SMYD3: variants seen among roughly 807,000 people sequenced by gnomAD.
SMYD3 encodes SET and MYND domain containing 3, also known as histone-lysine N-methyltransferase SMYD3.
Under a neutral mutation model 57.7 loss-of-function variants are expected in SMYD3, and 36 were observed. That is an observed-to-expected ratio of 0.62 (90% CI 0.48 to 0.82). The LOEUF is 0.82. SMYD3 is among the 40% of genes least tolerant of loss of function. The pLI is 0.00. For missense variants in SMYD3, 515 were observed against 538.8 expected, an observed-to-expected ratio of 0.96 and a Z score of 0.44; for synonymous variants, 211 against 195.0, an observed-to-expected ratio of 1.08 and a Z score of -0.68.
At chr1:246,307,788 T>C (rs577057215) in intron 5 of SMYD3, among the ~76,000 whole-genome samples, 16 of 152,240 alleles carry the variant, frequency 1.1e-4, no homozygotes, top group Non-Finnish European at 4.4e-5. Flanking sequence ...TGAGGCTCAC[T>C]AGAACAGCCC....
At chr1:245,926,537 T>C (rs2056386546) in intron 7 of SMYD3, among the ~76,000 whole-genome samples, 1 of 152,126 alleles carries the variant, frequency 6.6e-6, no homozygotes, top group Non-Finnish European at 1.5e-5. Flanking sequence ...GATTTGCTTG[T>C]TGCTCCAGAG....
chr1:246,049,356 G>T (rs1408841869), intron 5 of SMYD3, among the ~76,000 whole-genome samples: 1 of 152,108 alleles, frequency 6.6e-6, no homozygotes, highest in African/African-American at 2.4e-5. Flanking sequence ...GAGTGCAGGG[G>T]TGCAACCTCA....
intron 1 of SMYD3, among the ~76,000 whole-genome samples, chr1:246,502,993 C>T (rs1029858257): frequency 6.6e-6 from 1 of 152,126 alleles, no homozygotes; most frequent in African/African-American, 2.4e-5. Context: ...GTGCTATAGG[C>T]CCGTGTTGGC....
intron 5 of SMYD3, among the ~76,000 whole-genome samples, chr1:245,943,051 A>C (rs2057306379): frequency 6.6e-6 from 1 of 151,986 alleles, no homozygotes; most frequent in Non-Finnish European, 1.5e-5. Flanking sequence ...TCAAATCGAC[A>C]TCCTAACATC....
At chr1:246,454,514 G>T (rs1403229099) in intron 1 of SMYD3, among the ~76,000 whole-genome samples, 1 of 152,180 alleles carries the variant, frequency 6.6e-6, no homozygotes, top group Non-Finnish European at 1.5e-5. Context: ...AATCAGAATA[G>T]AATTTTATTT....
At chr1:246,420,569 G>A in intron 1 of SMYD3, among the ~76,000 whole-genome samples, 1 of 152,184 alleles carries the variant, frequency 6.6e-6, no homozygotes, top group African/African-American at 2.4e-5. Context: ...ACCTTATCTA[G>A]AGAAAGTTTA....
At chr1:246,084,911 AT>A (rs1360024782) in intron 5 of SMYD3, among the ~76,000 whole-genome samples, 1 of 152,218 alleles carries the variant, frequency 6.6e-6, no homozygotes, top group African/African-American at 2.4e-5. Context: ...TGACTACCAT[AT>A]TCTTTAGAGC....
intron 5 of SMYD3, among the ~76,000 whole-genome samples, chr1:246,122,455 C>T (rs1051128722): frequency 6.6e-6 from 1 of 152,090 alleles, no homozygotes; most frequent in Non-Finnish European, 1.5e-5. Context: ...AAGGTGTATT[C>T]GTATATGACA....
At chr1:246,021,457 G>A (rs570510689) in intron 5 of SMYD3, among the ~76,000 whole-genome samples, 2 of 152,154 alleles carry the variant, frequency 1.3e-5, no homozygotes, top group Non-Finnish European at 2.9e-5. Flanking sequence ...AATGGGAGGT[G>A]AGGAAGTGGC....
intron 1 of SMYD3, among the ~76,000 whole-genome samples, chr1:246,485,610 C>CA (rs375247324): frequency 1.4e-3 from 216 of 151,632 alleles, no homozygotes; most frequent in African/African-American, 5.1e-3. Flanking sequence ...AGTGAGACCC[C>CA]CCCCCACATC....
chr1:246,379,818 G>A (rs1013269682), intron 1 of SMYD3, among the ~76,000 whole-genome samples: 4 of 152,040 alleles, frequency 2.6e-5, no homozygotes, highest in Non-Finnish European at 4.4e-5. Flanking sequence ...TGGACAACAC[G>A]GTGAAACCTC....
At chr1:246,425,827 C>T (rs1371957447) in intron 1 of SMYD3, among the ~76,000 whole-genome samples, 2 of 152,154 alleles carry the variant, frequency 1.3e-5, no homozygotes, top group Non-Finnish European at 2.9e-5. Flanking sequence ...GATGCCATTT[C>T]GTCCAAGAAC....
chr1:246,201,600 A>G (rs1490378560), intron 5 of SMYD3, among the ~76,000 whole-genome samples: 1 of 152,240 alleles, frequency 6.6e-6, no homozygotes, highest in South Asian at 2.1e-4. Context: ...AAACCCAGAA[A>G]TGAAGTGTTT....
rs79572627 is a variant in SMYD3, at chr1:246,030,178, T to C, written c.532-100241A>G. Among the ~76,000 whole-genome samples the C allele has an allele frequency of 1.7e-3, 265 of 152,112 alleles. 2 individuals are homozygous for C. Among genetic ancestry groups the C allele is most frequent in the African/African-American group, 6.0e-3 (247 of 41,512 alleles). ...AGTAACACCACTCTACTTTCACGCA[T>C]GAAGCATTAATGGATAAAGAAAACA... On this transcript the variant is annotated intron_variant, in intron 5 of 11. Coordinates refer to ENST00000490107, the MANE Select transcript of SMYD3 (RefSeq NM_001167740.2).
intron 10 of SMYD3, among the ~76,000 whole-genome samples, chr1:245,791,484 C>T (rs527564344): frequency 1.4e-4 from 21 of 152,258 alleles, no homozygotes; most frequent in Middle Eastern, 3.4e-3. Flanking sequence ...TCAAGGTTTA[C>T]GTGCTCACTG....
chr1:246,313,261 G>A (rs2148636701), intron 5 of SMYD3, among the ~76,000 whole-genome samples: 1 of 152,264 alleles, frequency 6.6e-6, no homozygotes, highest in Admixed American at 6.5e-5. Context: ...AAAACCCACA[G>A]TATAGTCACT....
intron 10 of SMYD3, among the ~76,000 whole-genome samples, chr1:245,844,600 G>A (rs933355076): frequency 2.9e-5 from 2 of 68,328 alleles, no homozygotes; most frequent in African/African-American, 1.3e-4. Flanking sequence ...CTACTTCCTT[G>A]GTTTCTTTTT....
At chr1:245,880,526 T>C (rs1297217904) in intron 8 of SMYD3, among the ~76,000 whole-genome samples, 1 of 152,142 alleles carries the variant, frequency 6.6e-6, no homozygotes, top group Non-Finnish European at 1.5e-5. Flanking sequence ...TTACTGAGGG[T>C]TTATTGTGCT....
intron 5 of SMYD3, among the ~76,000 whole-genome samples, chr1:246,324,416 CAA>C (rs897518368): frequency 3.3e-4 from 14 of 42,592 alleles, no homozygotes; most frequent in African/African-American, 5.5e-4. Flanking sequence ...AACTCCATCT[CAA>C]AAAAAAAAAA....
Sources: gnomAD v4.1 joint callset for allele counts (sites outside exome capture counted in the v4.1 genomes callset) on GRCh38, gnomAD v4.1.1 for gene constraint, MANE v1.5 for transcripts, NCBI Gene and HGNC (gene_info 2026-07-23, HGNC 2026-07-21) for gene names.